KHSRP: variants seen among roughly 807,000 people sequenced by gnomAD.
KHSRP encodes the protein far upstream element-binding protein 2.
KHSRP carries 13 observed loss-of-function variants against 94.9 expected under a neutral mutation model. The observed-to-expected ratio is 0.14, with a 90% confidence interval of 0.09 to 0.22. The LOEUF (loss-of-function observed/expected upper bound fraction) is 0.22, where lower values mean the gene tolerates loss of function less well. KHSRP is among the 10% of genes least tolerant of loss of function. The pLI is 1.00. For synonymous variants in KHSRP, 495 were observed against 401.4 expected, an observed-to-expected ratio of 1.23 and a Z score of -2.79; for missense variants, 710 against 1,010.0, an observed-to-expected ratio of 0.70 and a Z score of 4.03.
At chr19:6,420,938 T>A (rs891067734) in intron 4 of KHSRP, 1 of 394,672 alleles carries the variant, frequency 2.5e-6, no homozygotes, top group Admixed American at 4.2e-5. Flanking sequence ...CACTTGCAGA[T>A]GTGTGAGGGA....
rs2145118754 is a variant in KHSRP, at chr19:6,418,395, T to C, written c.879+88A>G. 1 of 922,220 alleles carries C rather than the reference T, an allele frequency of 1.1e-6. No homozygotes were observed. Among genetic ancestry groups the C allele is most frequent in the Non-Finnish European group, 1.7e-6 (1 of 577,114 alleles). 57.1% of individuals were successfully genotyped at this position (922,220 alleles called of 1,614,324 possible). On this transcript the variant is annotated intron_variant, in intron 9 of 18. Transcript: ENST00000600480. The surrounding 1 kb of genome is among the most constrained non-coding windows in gnomAD (Gnocchi z 4.3). ...ATGACCGACTGTTCACATATCTCTC[T>C]GGCGGAATGCAGACCCCGAGACCGC...
At position 6,414,379 on chromosome 19, in the gene KHSRP, G is replaced by C. The variant is rs915222900; in HGVS notation, c.*645C>G. The C allele has an allele frequency of 2.2e-6, 3 of 1,341,028 alleles. No individual in the cohort carries two copies. Among genetic ancestry groups the C allele is most frequent in the Middle Eastern group, 5.4e-4 (2 of 3,726 alleles). The allele number at this position is 1,341,028 out of a possible 1,614,324, so 83.1% of individuals were successfully genotyped here. A position where few individuals can be genotyped will look rare whatever the true frequency, so the allele number is the denominator to read the frequency against. On this transcript the variant is annotated 3_prime_UTR_variant, in exon 19 of 19. Coordinates refer to ENST00000600480, the MANE Select transcript of KHSRP (RefSeq NM_001366299.1). ...GAGGAGAGGGGCCGCGGAGGGCGGAGGCGCTAGGGTCGTAGGGGAGCTGCC... is the reference window on the plus strand; with the variant it reads ...GAGGAGAGGGGCCGCGGAGGGCGGACGCGCTAGGGTCGTAGGGGAGCTGCC...
Position 6,418,137 on chromosome 19 carries a change from A to G in KHSRP, c.880-58T>C. ...GAGCCCTGCTGCCCCACACCCCCCCACCTCCTCGGGGGTGCGGGCCTCAAC... is the reference window on the plus strand; with the variant it reads ...GAGCCCTGCTGCCCCACACCCCCCCGCCTCCTCGGGGGTGCGGGCCTCAAC... On this transcript the variant is annotated intron_variant, in intron 9 of 18. Transcript: ENST00000600480. The surrounding 1 kb of genome is among the most constrained non-coding windows in gnomAD (Gnocchi z 4.3). 6.8e-7 allele frequency: 1 copy of G among 1,462,492 alleles called. No individual in the cohort carries two copies. Among genetic ancestry groups the G allele is most frequent in the South Asian group, 1.2e-5 (1 of 86,540 alleles). 90.6% of individuals were successfully genotyped at this position (1,462,492 alleles called of 1,614,324 possible).
chr19:6,416,859 C>G lies in KHSRP; in HGVS notation c.1206G>C (p.Gly402=). 1 of 1,606,968 alleles carries G rather than the reference C, an allele frequency of 6.2e-7. No homozygotes were observed. Among genetic ancestry groups the G allele is most frequent in the Non-Finnish European group, 8.5e-7 (1 of 1,176,778 alleles). ...SLRSGPPGPP[G]GPGMPPGGRG... ...GGCCCCCCGGGGGCATGCCTGGACC[C>G]CCTGGAGGACCTGGGGGACCACTCT... The change falls in exon 13 of 19, where the codon GGG becomes GGC. Residue 402 remains glycine, a synonymous_variant. Transcript: ENST00000600480.
In KHSRP at chr19:6,414,279, G is replaced by C; in HGVS notation, c.*745C>G. ...GGCTGGAAGGACGTGCTTGTTAACT[G>C]TCTAGCCAGGTGCTCGCGGGACTCG... On this transcript the variant is annotated 3_prime_UTR_variant, in exon 19 of 19. Transcript: ENST00000600480. 7.0e-7 allele frequency: 1 copy of C among 1,422,178 alleles called. No homozygotes were observed. The highest frequency in any genetic ancestry group is 1.9e-4 in the Middle Eastern group (1 of 5,358). 88.1% of individuals were successfully genotyped at this position (1,422,178 alleles called of 1,614,324 possible).
At position 6,413,559 on chromosome 19, in the gene KHSRP, TG is replaced by T; in HGVS notation, c.*1464del. On this transcript the variant is annotated 3_prime_UTR_variant, in exon 19 of 19. Transcript: ENST00000600480. ...GGGAGAGAAGAGGGGGCTTGGCTGC[TG>T]GGGGAAGGGGTCCTGCAATACAACA... 1 of 205,364 alleles carries T rather than the reference TG, an allele frequency of 4.9e-6. No homozygotes were observed. Among genetic ancestry groups the T allele is most frequent in the Non-Finnish European group, 1.0e-5 (1 of 97,952 alleles). 12.7% of individuals were successfully genotyped at this position (205,364 alleles called of 1,614,324 possible).
rs750795506 is a variant in KHSRP at position 6,422,400 on chromosome 19, C to T, written c.286G>A (p.Val96Met). The change falls in exon 2 of 19, where the codon GTG becomes ATG. Residue 96 changes from valine to methionine, a missense_variant. Physicochemically the swap from Val to Met is conservative, Grantham distance 21. Around this residue, in one of 5 missense-constraint regions of KHSRP, gnomAD observed 288 missense variants for 501.1 expected, o/e 0.57. Coordinates refer to ENST00000600480, the MANE Select transcript of KHSRP (RefSeq NM_001366299.1). ...CCAAAATCAGGAGTGCTGTTATTCACTGTCGTGGCAGCATCGCCTCCAATT... is the reference window on the plus strand; with the variant it reads ...CCAAAATCAGGAGTGCTGTTATTCATTGTCGTGGCAGCATCGCCTCCAATT... ...AKIGGDAATT[V>M]NNSTPDFGFG... is the part of the protein sequence containing the mutation. 1 of 1,613,872 alleles carries T rather than the reference C, an allele frequency of 6.2e-7. No homozygotes were observed. Among genetic ancestry groups the T allele is most frequent in the Non-Finnish European group, 8.5e-7 (1 of 1,179,856 alleles).
chr19:6,415,165 CGG>C lies in KHSRP; in HGVS notation c.2101_2102del (p.Pro701AlafsTer35), dbSNP rs2092133964. 6.2e-7 allele frequency: 1 copy of C among 1,606,962 alleles called. No homozygotes were observed. The highest frequency in any genetic ancestry group is 8.5e-7 in the Non-Finnish European group (1 of 1,179,048). ...QTPGPGGPQP[P>X]PTQQGQQQAS... The stretch of plus-strand genomic sequence containing the variant: ...CCTGCTGCTGTCCCTGCTGCGTGGG[CGG>C]CGGCTGGGGGCCGCCAGGACCTGGG... On this transcript the variant is annotated frameshift_variant, in exon 19 of 19. Coordinates refer to ENST00000600480, the MANE Select transcript of KHSRP (RefSeq NM_001366299.1). LOFTEE classifies it high-confidence loss of function.
chr19:6,421,384 C>T, intron 3 of KHSRP, 67 bp from the exon 4 acceptor site: 1 of 1,511,556 alleles, frequency 6.6e-7, no homozygotes, highest in Non-Finnish European at 9.0e-7. Context: ...ACTGCCTGCC[C>T]CGGGTCAGTG....
chr19:6,422,750 T>C (rs183270676), intron 1 of KHSRP, among the ~76,000 whole-genome samples: 1,566 of 152,192 alleles, frequency 0.01, 15 homozygotes, highest in South Asian at 0.03. Context: ...GGCTCAGGTG[T>C]CAGGGAGGGT....
At chr19:6,417,343 GAAC>G (rs2092155513) in intron 11 of KHSRP, among the ~76,000 whole-genome samples, 4 of 152,224 alleles carry the variant, frequency 2.6e-5, no homozygotes, top group African/African-American at 7.2e-5. Context: ...AGATTTTACA[GAAC>G]AATAAATCTC....
chr19:6,414,882 C>T lies in KHSRP; in HGVS notation c.*142G>A. 7.4e-7 allele frequency: 1 copy of T among 1,354,946 alleles called. No homozygotes were observed. Among genetic ancestry groups the T allele is most frequent in the Admixed American group, 3.5e-5 (1 of 28,170 alleles). 83.9% of individuals were successfully genotyped at this position (1,354,946 alleles called of 1,614,324 possible). On this transcript the variant is annotated 3_prime_UTR_variant, in exon 19 of 19. Transcript: ENST00000600480. Reference sequence around the variant, plus strand: ...CCCGCCTGCGAGTCTCAGCGCTCCCCAGCATCACGACAGCGGCACACAGGA... The same window carrying T: ...CCCGCCTGCGAGTCTCAGCGCTCCCTAGCATCACGACAGCGGCACACAGGA...
In KHSRP at chr19:6,420,441, T is replaced by C. The variant is rs756970379; in HGVS notation, c.456A>G (p.Pro152=). ...RTSMTEEYRV[P]DGMVGLIIGR... Reference sequence around the variant, plus strand: ...ACTCACTCAGGCCCACCATGCCGTCTGGGACCCTGTACTCTTCTGTCATTG... The same window carrying C: ...ACTCACTCAGGCCCACCATGCCGTCCGGGACCCTGTACTCTTCTGTCATTG... The change falls in exon 5 of 19, where the codon CCA becomes CCG. Residue 152 remains proline (P), a synonymous_variant. Transcript: ENST00000600480. The C allele has an allele frequency of 1.2e-6, 2 of 1,613,998 alleles. No homozygotes were observed. Among genetic ancestry groups the C allele is most frequent in the Non-Finnish European group, 1.7e-6 (2 of 1,179,866 alleles).
Position 6,418,120 on chromosome 19 carries a change from C to T in KHSRP, c.880-41G>A, listed in dbSNP as rs200073499. 1.9e-5 allele frequency: 29 copies of T among 1,565,682 alleles called. No individual in the cohort carries two copies. The African/African-American group carries it at 1.9e-4, about 10-fold the overall frequency. Reference sequence around the variant, plus strand: ...AAGCAGCCCCCATGGGTGAGCCCTGCTGCCCCACACCCCCCCACCTCCTCG... The same window carrying T: ...AAGCAGCCCCCATGGGTGAGCCCTGTTGCCCCACACCCCCCCACCTCCTCG... On this transcript the variant is annotated intron_variant, in intron 9 of 18. Coordinates refer to ENST00000600480, the MANE Select transcript of KHSRP (RefSeq NM_001366299.1). This position sits in a 1 kb window ranked among gnomAD's most constrained non-coding sequence, Gnocchi z 4.3.
intron 15 of KHSRP, 97 bp downstream of exon 15, chr19:6,416,201 G>A (rs749744996): frequency 3.6e-5 from 36 of 1,003,880 alleles, no homozygotes; most frequent in African/African-American, 4.9e-5. Flanking sequence ...GAGGCCCCCC[G>A]CCTGCACTTC....
Position 6,414,947 on chromosome 19 carries a change from T to G in KHSRP, c.*77A>C. 7.0e-7 allele frequency: 1 copy of G among 1,432,882 alleles called. No individual in the cohort carries two copies. Among genetic ancestry groups the G allele is most frequent in the Non-Finnish European group, 9.1e-7 (1 of 1,098,990 alleles). 88.8% of individuals were successfully genotyped at this position (1,432,882 alleles called of 1,614,324 possible). ...CAGGGAGGCCTCTTCGTTTAACCTC[T>G]GGACCCAGCGAATGCTTCCCTGGCG... is the stretch of plus-strand genomic sequence containing the variant. On this transcript the variant is annotated 3_prime_UTR_variant, in exon 19 of 19. Transcript: ENST00000600480.
At position 6,416,331 on chromosome 19, in the gene KHSRP, G is replaced by A; in HGVS notation, c.1565C>T (p.Pro522Leu). The A allele has an allele frequency of 2.5e-6, 4 of 1,604,188 alleles. No individual in the cohort carries two copies. The highest frequency in any genetic ancestry group is 2.5e-6 in the Non-Finnish European group (3 of 1,177,472). Residue 522 changes from proline (P) to leucine (L), a missense_variant, in exon 15 of 19, where the codon CCC (proline) becomes CTC (leucine). By Grantham distance (98) the Pro-to-Leu change is moderately conservative (BLOSUM62 -3). Transcript: ENST00000600480. ...AGPMGPFNPGPFNQGPPGAPP... is the reference protein window; with the variant it reads ...AGPMGPFNPGLFNQGPPGAPP... The stretch of plus-strand genomic sequence containing the variant: ...AGCCCCGGGTGGCCCCTGGTTGAAG[G>A]GCCCAGGATTGAAGGGCCCCATTGG...
chr19:6,414,015 C>T lies in KHSRP; in HGVS notation c.*1009G>A. 4 of 1,503,424 alleles carry T rather than the reference C, an allele frequency of 2.7e-6. No homozygotes were observed. The highest frequency in any genetic ancestry group is 3.6e-6 in the Non-Finnish European group (4 of 1,123,722). The allele number at this position is 1,503,424 out of a possible 1,614,324, so 93.1% of individuals were successfully genotyped here. A position where few individuals can be genotyped will look rare whatever the true frequency, so the allele number is the denominator to read the frequency against. ...GCTCCCCAGTACTCCCCACGGCAGC[C>T]ATCGCTCTCTCGCCAAACAAAACAG... On this transcript the variant is annotated 3_prime_UTR_variant, in exon 19 of 19. Coordinates refer to ENST00000600480, the MANE Select transcript of KHSRP (RefSeq NM_001366299.1).
Position 6,414,401 on chromosome 19 carries a change from T to C in KHSRP, c.*623A>G, listed in dbSNP as rs114825932. The C allele has an allele frequency of 7.3e-3, 9,387 of 1,291,014 alleles. 557 individuals are homozygous for C. In the African/African-American group the frequency reaches 0.13, roughly 17 times the overall value. The allele number at this position is 1,291,014 out of a possible 1,614,324, so 80.0% of individuals were successfully genotyped here. A position where few individuals can be genotyped will look rare whatever the true frequency, so the allele number is the denominator to read the frequency against. ...GGAGGCGCTAGGGTCGTAGGGGAGC[T>C]GCCCTGTCTCCGGAGGGCGGTGGCT... On this transcript the variant is annotated 3_prime_UTR_variant, in exon 19 of 19. Transcript: ENST00000600480.
Sources: allele counts gnomAD v4.1 joint callset (sites outside exome capture counted in the v4.1 genomes callset), GRCh38; gene constraint gnomAD v4.1.1; regional missense constraint gnomAD v4.1.1; non-coding constraint Gnocchi (gnomAD v3.1); transcripts MANE v1.5; gene names NCBI Gene and HGNC (gene_info 2026-07-23, HGNC 2026-07-21).